Variants in EXOSC7 observed in about 807,000 individuals in gnomAD.
EXOSC7 encodes exosome complex component RRP42.
Under a neutral mutation model 34.3 loss-of-function variants are expected in EXOSC7, and 25 were observed. The ratio of observed to expected loss-of-function variants is 0.73; its 90% CI spans 0.53 to 1.02. The LOEUF (loss-of-function observed/expected upper bound fraction) is 1.02, where lower values mean the gene tolerates loss of function less well. Ranked by LOEUF, EXOSC7 falls within the 50% of genes least tolerant of loss-of-function variation. The pLI is 0.00. For synonymous variants in EXOSC7, 130 were observed against 143.0 expected (o/e 0.91, Z 0.65); for missense variants, 370 against 368.5 (o/e 1.00, Z -0.03).
intron 5 of EXOSC7, chr3:45,004,704 A>G (rs1706985289): frequency 6.6e-6 from 1 of 152,004 alleles, no homozygotes; most frequent in South Asian, 2.1e-4. Context: ...TTATGAAGAC[A>G]TCCAAATATA....
intron 4 of EXOSC7, among the ~76,000 whole-genome samples, chr3:44,997,598 G>A (rs1484583119): frequency 2.0e-5 from 3 of 152,188 alleles, no homozygotes; most frequent in African/African-American, 7.2e-5. Flanking sequence ...GGTACATTCT[G>A]TGTGGAAGGA....
chr3:45,010,552 T>C (rs1707177083), intron 7 of EXOSC7, among the ~76,000 whole-genome samples: 1 of 152,208 alleles, frequency 6.6e-6, no homozygotes, highest in Admixed American at 6.5e-5. Context: ...CCCAGCCATA[T>C]TGAGTTTTTT....
In EXOSC7 at chr3:45,011,348, TC is replaced by T. The variant is rs1371210571; in HGVS notation, c.*10del. On this transcript the variant is annotated 3_prime_UTR_variant, in exon 8 of 8. Transcript: ENST00000265564. ...TTGGATTCCTGGGATGATTTGCACA[TC>T]AACTGCTCAACTGTGGATTGTTTTT... is the stretch of plus-strand genomic sequence containing the variant. 1 of 1,496,368 alleles carries T rather than the reference TC, an allele frequency of 6.7e-7. No homozygotes were observed. Among genetic ancestry groups the T allele is most frequent in the Admixed American group, 1.7e-5 (1 of 57,524 alleles). 92.7% of individuals were successfully genotyped at this position (1,496,368 alleles called of 1,614,324 possible).
chr3:44,995,403 C>T (rs1706695063), intron 3 of EXOSC7, among the ~76,000 whole-genome samples: 1 of 152,134 alleles, frequency 6.6e-6, no homozygotes, highest in Non-Finnish European at 1.5e-5. Flanking sequence ...TTAGTCACAC[C>T]CAGGAGGATG....
chr3:45,005,034 T>A, intron 5 of EXOSC7: 1 of 439,568 alleles, frequency 2.3e-6, no homozygotes, highest in East Asian at 3.7e-5. Flanking sequence ...TGGTGTGAGG[T>A]AGGGATTGAG....
chr3:44,994,888 TG>T, intron 3 of EXOSC7, among the ~76,000 whole-genome samples: 1 of 151,284 alleles, frequency 6.6e-6, no homozygotes, highest in Non-Finnish European at 1.5e-5. Context: ...TGTGTGTGTG[TG>T]TGTGTGTGTG....
chr3:44,985,755 A>G (rs183168066), intron 1 of EXOSC7, among the ~76,000 whole-genome samples: 1 of 152,242 alleles, frequency 6.6e-6, no homozygotes, highest in African/African-American at 2.4e-5. Flanking sequence ...TGGCTCTGGC[A>G]GCTTGCTTTT....
At chr3:44,982,127 T>C (rs187496515) in intron 1 of EXOSC7, among the ~76,000 whole-genome samples, 9 of 152,340 alleles carry the variant, frequency 5.9e-5, no homozygotes, top group African/African-American at 1.9e-4. Context: ...ACCTTTACTT[T>C]CGTGTGGCCT....
intron 1 of EXOSC7, among the ~76,000 whole-genome samples, chr3:44,987,375 C>T (rs1392796332): frequency 6.6e-6 from 1 of 152,120 alleles, no homozygotes; most frequent in East Asian, 1.9e-4. Flanking sequence ...TTAAAAGTAA[C>T]CATGATGTGG....
intron 3 of EXOSC7, among the ~76,000 whole-genome samples, chr3:44,994,125 C>T (rs1395508744): frequency 6.6e-6 from 1 of 152,050 alleles, no homozygotes; most frequent in Non-Finnish European, 1.5e-5. Flanking sequence ...TACATAACCT[C>T]TCTGTGACTC....
At chr3:45,004,812 C>T (rs1250472645) in intron 5 of EXOSC7, 1 of 151,954 alleles carries the variant, frequency 6.6e-6, no homozygotes, top group East Asian at 1.9e-4. Flanking sequence ...ATTTTATCTC[C>T]CCAGATTATA....
At chr3:44,981,142 A>G (rs1575999975) in intron 1 of EXOSC7, among the ~76,000 whole-genome samples, 1 of 152,198 alleles carries the variant, frequency 6.6e-6, no homozygotes, top group Non-Finnish European at 1.5e-5. Flanking sequence ...GAGAATGGAC[A>G]TTATCATAAA....
At chr3:45,010,433 G>C (rs1201696724) in intron 7 of EXOSC7, among the ~76,000 whole-genome samples, 1 of 152,102 alleles carries the variant, frequency 6.6e-6, no homozygotes, top group East Asian at 1.9e-4. Context: ...TTTTTGTAGA[G>C]ATGGGGTTTC....
chr3:44,984,736 G>A (rs186407067), intron 1 of EXOSC7, among the ~76,000 whole-genome samples: 55 of 152,288 alleles, frequency 3.6e-4, no homozygotes, highest in Middle Eastern at 3.4e-3. Context: ...TATCGTATAG[G>A]ATTATTGAAA....
intron 5 of EXOSC7, 141 bp downstream of exon 5, chr3:45,001,749 G>A (rs546301686): frequency 1.2e-5 from 8 of 642,572 alleles, no homozygotes; most frequent in South Asian, 3.8e-5. Flanking sequence ...GACATCTAAC[G>A]TTAAACTCCA....
At chr3:44,983,052 G>T (rs962589280) in intron 1 of EXOSC7, among the ~76,000 whole-genome samples, 5 of 152,088 alleles carry the variant, frequency 3.3e-5, no homozygotes, top group Non-Finnish European at 7.4e-5. Context: ...GTTAATGAGG[G>T]GTTAACATAA....
intron 3 of EXOSC7, 127 bp from the exon 4 acceptor site, chr3:44,996,960 C>T: frequency 1.1e-6 from 1 of 930,974 alleles, no homozygotes; most frequent in Non-Finnish European, 1.7e-6. Flanking sequence ...CTTTCCTCAT[C>T]TCAGTGACTT....
At chr3:45,002,165 T>C (rs1284926392) in intron 5 of EXOSC7, 1 of 152,288 alleles carries the variant, frequency 6.6e-6, no homozygotes, top group African/African-American at 2.4e-5. Context: ...CTATGCTTTT[T>C]TGGAGTTGAC....
chr3:45,011,473 G>A (rs1317027398), downstream of EXOSC7: 1 of 638,576 alleles, frequency 1.6e-6, no homozygotes. Flanking sequence ...TTTCTGGTCT[G>A]GTTTGGTATG....
Sources: gnomAD v4.1 joint callset for allele counts (sites outside exome capture counted in the v4.1 genomes callset) on GRCh38, gnomAD v4.1.1 for gene constraint, MANE v1.5 for transcripts, NCBI Gene and HGNC (gene_info 2026-07-23, HGNC 2026-07-21) for gene names.